USF2: variants seen among roughly 807,000 people sequenced by gnomAD.
USF2 encodes the protein upstream stimulatory factor 2.
Under a neutral mutation model 46.9 loss-of-function variants are expected in USF2, and 16 were observed. The ratio of observed to expected loss-of-function variants is 0.34; its 90% CI spans 0.23 to 0.52. The LOEUF is 0.52. Ranked by LOEUF, USF2 falls within the 20% of genes least tolerant of loss-of-function variation. The probability of loss-of-function intolerance (pLI) is 0.96; values close to 1 mark genes in which losing one functional copy is unlikely to be tolerated. For synonymous variants in USF2, 239 were observed against 194.1 expected (o/e 1.23, Z -1.92); for missense variants, 411 against 474.0 (o/e 0.87, Z 1.23).
intron 7 of USF2, chr19:35,278,495 G>T: frequency 1.7e-6 from 1 of 585,526 alleles, no homozygotes; most frequent in South Asian, 2.1e-5. Context: ...GGCACTGGAG[G>T]GCCCACGTTT....
Position 35,271,110 on chromosome 19 carries a change from A to C in USF2, c.696A>C (p.Arg232=). ...AAATTGATGGAACCAGAACACCCCG[A>C]GATGAGAGGAGAAGAGCCCAGCACA... ...SPKIDGTRTP[R]DERRRAQHNE... Residue 232 remains arginine (R), a synonymous_variant, in exon 7 of 10, where the codon CGA becomes CGC. Transcript: ENST00000222305. The C allele has an allele frequency of 2.5e-6, 4 of 1,613,798 alleles. No homozygotes were observed. The highest frequency in any genetic ancestry group is 3.4e-6 in the Non-Finnish European group (4 of 1,179,948).
rs759451571 is a variant in USF2, at chr19:35,278,685, C to G, written c.728-13C>G. On this transcript the variant is annotated splice_polypyrimidine_tract_variant and intron_variant, in intron 7 of 9. Coordinates refer to ENST00000222305, the MANE Select transcript of USF2 (RefSeq NM_003367.4). ...CGTCAGCGAAGCCGTGGCTGTGACT[C>G]TGTTTTCCGCAGTGGAGCGGAGGCG... 2.5e-6 allele frequency: 4 copies of G among 1,613,896 alleles called. No individual in the cohort carries two copies. The highest frequency in any genetic ancestry group is 3.4e-6 in the Non-Finnish European group (4 of 1,179,916).
chr19:35,270,786 C>G lies in USF2; in HGVS notation c.649C>G (p.Arg217Gly), dbSNP rs201560339. 6.2e-7 allele frequency: 1 copy of G among 1,614,090 alleles called. No individual in the cohort carries two copies. Among genetic ancestry groups the G allele is most frequent in the East Asian group, 2.2e-5 (1 of 44,886 alleles). ...QTGTQRTIAPRTHPYSPKIDG... is the reference protein window; with the variant it reads ...QTGTQRTIAPGTHPYSPKIDG... ...AGGAACACAGAGGACGATCGCCCCC[C>G]GGACACACCCTTACTCTCCGTATGT... The change falls in exon 6 of 10, where the codon CGG (arginine) becomes GGG (glycine). Residue 217 changes from arginine (R) to glycine (G), a missense_variant. Coordinates refer to ENST00000222305, the MANE Select transcript of USF2 (RefSeq NM_003367.4).
intron 8 of USF2, 57 bp from the exon 9 acceptor site, chr19:35,278,887 TGG>T (rs747275744): frequency 6.9e-6 from 11 of 1,592,014 alleles, no homozygotes; most frequent in Non-Finnish European, 9.4e-6. Flanking sequence ...GAGTCATCCC[TGG>T]GGTGGAGGCC....
chr19:35,276,357 C>T (rs1263733199), intron 7 of USF2, among the ~76,000 whole-genome samples: 2 of 152,178 alleles, frequency 1.3e-5, no homozygotes, highest in Non-Finnish European at 2.9e-5. Flanking sequence ...GCCACCCCAC[C>T]CAGCTTCTGA....
intron 6 of USF2, 119 bp downstream of exon 6, chr19:35,270,924 C>A: frequency 7.0e-7 from 1 of 1,436,754 alleles, no homozygotes; most frequent in Non-Finnish European, 9.7e-7. Flanking sequence ...TTTTTCTTTG[C>A]CTGTTTCTGC....
chr19:35,269,944 C>T lies in USF2; in HGVS notation c.370C>T (p.Gln124Ter). ...CCAGGTGGGTGTGGACGGGGCAGCC[C>T]AGCGCCCGGGCCCCGCCGCTGCCTC... ...VTQVGVDGAA[Q>*]RPGPAAASVP... The change falls in exon 4 of 10, where the codon CAG becomes TAG. Residue 124 changes from glutamine (Q) to a stop codon, truncating the protein, a stop_gained. Transcript: ENST00000222305. LOFTEE classifies it high-confidence loss of function. The T allele has an allele frequency of 7.4e-7, 1 of 1,347,122 alleles. No individual in the cohort carries two copies. Among genetic ancestry groups the T allele is most frequent in the Non-Finnish European group, 9.5e-7 (1 of 1,056,316 alleles). The allele number at this position is 1,347,122 out of a possible 1,614,324, so 83.4% of individuals were successfully genotyped here.
At chr19:35,273,606 G>A (rs890010647) in intron 7 of USF2, among the ~76,000 whole-genome samples, 5 of 152,178 alleles carry the variant, frequency 3.3e-5, no homozygotes, top group Non-Finnish European at 7.3e-5. Flanking sequence ...CACCCAGGCT[G>A]GAGTACAGTG....
rs1254274139 is a variant in USF2, at chr19:35,269,322, C to G, written c.63-124C>G. Reference sequence around the variant, plus strand: ...CCTGGCGCCTCCCGCCCCCGGCCCCCGGCCTCGGCGGCGCCCCCGGCCTCA... The same window carrying G: ...CCTGGCGCCTCCCGCCCCCGGCCCCGGGCCTCGGCGGCGCCCCCGGCCTCA... On this transcript the variant is annotated intron_variant, in intron 1 of 9. Transcript: ENST00000222305. 5.9e-5 allele frequency: 54 copies of G among 909,034 alleles called. No homozygotes were observed. The East Asian group carries it at 1.9e-3, about 32-fold the overall frequency. 56.3% of individuals were successfully genotyped at this position (909,034 alleles called of 1,614,324 possible). A position where few individuals can be genotyped will look rare whatever the true frequency, so the allele number is the denominator to read the frequency against.
intron 7 of USF2, 135 bp downstream of exon 7, chr19:35,271,276 C>T (rs2066152574): frequency 1.1e-5 from 11 of 987,750 alleles, no homozygotes; most frequent in Non-Finnish European, 1.7e-5. Flanking sequence ...TTGCTGGACG[C>T]TGTAAAGGTA....
In USF2 at chr19:35,279,550, A is replaced by G; in HGVS notation, c.*294A>G. 2.6e-6 allele frequency: 1 copy of G among 377,490 alleles called. No individual in the cohort carries two copies. Among genetic ancestry groups the G allele is most frequent in the African/African-American group, 2.1e-5 (1 of 47,640 alleles). The allele number at this position is 377,490 out of a possible 1,614,324, so 23.4% of individuals were successfully genotyped here. A position where few individuals can be genotyped will look rare whatever the true frequency, so the allele number is the denominator to read the frequency against. ...CACCTGGAGGCAAGAGGGAGGGGAC[A>G]GAGGCCCTGCCACGTCCCGCTGCCT... On this transcript the variant is annotated 3_prime_UTR_variant, in exon 10 of 10. Transcript: ENST00000222305.
At position 35,279,267 on chromosome 19, in the gene USF2, CACCACGCA is replaced by C; in HGVS notation, c.*12_*19del. 2 of 1,507,474 alleles carry C rather than the reference CACCACGCA, an allele frequency of 1.3e-6. No homozygotes were observed. The highest frequency in any genetic ancestry group is 1.8e-6 in the Non-Finnish European group (2 of 1,126,946). The allele number at this position is 1,507,474 out of a possible 1,614,324, so 93.4% of individuals were successfully genotyped here. On this transcript the variant is annotated 3_prime_UTR_variant, in exon 10 of 10. Transcript: ENST00000222305. The stretch of plus-strand genomic sequence containing the variant: ...GGCACCCGGCAGTGACGCCCGCCAC[CACCACGCA>C]GCCGCCGCCGCCCACGCCGGCCTCT...
At chr19:35,269,289 G>GT (rs2066103344) in intron 1 of USF2, 126 bp downstream of exon 1, 1 of 876,306 alleles carries the variant, frequency 1.1e-6, no homozygotes, top group Admixed American at 6.5e-5. Context: ...CCGCCGGCGC[G>GT]GGGGGGACCT....
intron 6 of USF2, 84 bp downstream of exon 6, chr19:35,270,889 G>T: frequency 1.3e-6 from 2 of 1,540,358 alleles, no homozygotes; most frequent in Non-Finnish European, 1.8e-6. Flanking sequence ...CAGTTAGCAT[G>T]AAGTGGGCAC....
intron 7 of USF2, among the ~76,000 whole-genome samples, chr19:35,272,988 G>A (rs1056464340): frequency 3.3e-5 from 5 of 151,856 alleles, no homozygotes; most frequent in Non-Finnish European, 7.4e-5. Context: ...CGGGCACCTG[G>A]TGGGGATGCA....
chr19:35,273,313 G>C (rs1011838400), intron 7 of USF2, among the ~76,000 whole-genome samples: 1 of 152,174 alleles, frequency 6.6e-6, no homozygotes, highest in African/African-American at 2.4e-5. Context: ...CTCCTTTGCT[G>C]TCTGGGCTCC....
intron 4 of USF2, 71 bp downstream of exon 4, chr19:35,270,074 AG>A: frequency 1.5e-6 from 2 of 1,332,658 alleles, no homozygotes; most frequent in Non-Finnish European, 9.6e-7. Context: ...GCTCTTGGGG[AG>A]CCCCGGGGGT....
At chr19:35,273,434 T>G (rs1433474497) in intron 7 of USF2, among the ~76,000 whole-genome samples, 1 of 152,180 alleles carries the variant, frequency 6.6e-6, no homozygotes, top group African/African-American at 2.4e-5. Context: ...CTGTTAACAG[T>G]GAAATTTCCA....
Position 35,278,577 on chromosome 19 carries a change from G to T in USF2, c.728-121G>T. ...GTGCGGCCCCTCACTTCCCAGGGCTGTGGTCTCGGTGGGGCCTGCACTGTT... is the reference window on the plus strand; with the variant it reads ...GTGCGGCCCCTCACTTCCCAGGGCTTTGGTCTCGGTGGGGCCTGCACTGTT... On this transcript the variant is annotated intron_variant, in intron 7 of 9. Coordinates refer to ENST00000222305, the MANE Select transcript of USF2 (RefSeq NM_003367.4). 1.2e-5 allele frequency: 12 copies of T among 989,182 alleles called. 1 individual carries two copies. The highest frequency in any genetic ancestry group is 7.2e-5 in the South Asian group (5 of 69,222). 61.3% of individuals were successfully genotyped at this position (989,182 alleles called of 1,614,324 possible).
Sources: allele counts gnomAD v4.1 joint callset (sites outside exome capture counted in the v4.1 genomes callset), GRCh38; gene constraint gnomAD v4.1.1; transcripts MANE v1.5; gene names NCBI Gene and HGNC (gene_info 2026-07-23, HGNC 2026-07-21).